The following NEXMIF variants were observed in gnomAD, a reference collection of about 807,000 sequenced individuals.
The protein encoded by NEXMIF is XLMR protein related to neurite extension.
A neutral mutation model predicts 62.1 loss-of-function variants in NEXMIF; 8 were observed. The observed-to-expected ratio is 0.13, with a 90% CI of 0.08 to 0.23. NEXMIF has a LOEUF of 0.23. Among genes scored for constraint, NEXMIF ranks in the 10% least tolerant of loss-of-function variants. The probability of loss-of-function intolerance (pLI) is 1.00; values close to 1 mark genes in which losing one functional copy is unlikely to be tolerated. For missense variants in NEXMIF, 976 were observed against 1,113.3 expected (o/e 0.88, Z 1.75); for synonymous variants, 404 against 416.6 (o/e 0.97, Z 0.37).
intron 1 of NEXMIF, among the ~76,000 whole-genome samples, chrX:74,920,207 T>C (rs1485021996): frequency 9.0e-6 from 1 of 110,848 alleles, no homozygotes; most frequent in Non-Finnish European, 1.9e-5. Context: ...CCACACTGAC[T>C]TCCACAAGGG....
chrX:74,857,070 A>C (rs763638565), intron 1 of NEXMIF, among the ~76,000 whole-genome samples: 2 of 112,107 alleles, frequency 1.8e-5, no homozygotes, highest in East Asian at 5.7e-4. Context: ...GCTCTAAGTA[A>C]ATTTGAAAGG....
In NEXMIF at chrX:74,741,726, T is replaced by C; in HGVS notation, c.2831A>G (p.Asn944Ser). The change falls in exon 3 of 4, where the codon AAT becomes AGT. Residue 944 changes from asparagine to serine, a missense_variant. Coordinates refer to ENST00000055682, the MANE Select transcript of NEXMIF (RefSeq NM_001008537.3). The stretch of plus-strand genomic sequence containing the variant: ...GGAGTCATACAGGACCTTGTTGCAA[T>C]TACTGCCACCACTATTGAGACAGAT... ...NPICLNSGGS[N>S]CNKVLYDSMQ... The C allele has an allele frequency of 8.3e-7, 1 of 1,211,286 alleles. No individual in the cohort carries two copies. Among genetic ancestry groups the C allele is most frequent in the Non-Finnish European group, 1.1e-6 (1 of 895,010 alleles).
rs181575134 is a variant in NEXMIF at position 74,788,420 on chromosome X, A to G, written c.-47-42723T>C. 3.5e-3 allele frequency among the ~76,000 whole-genome samples: 386 copies of G among 111,635 alleles called. 2 individuals carry two copies. The highest frequency in any genetic ancestry group is 0.012 in the African/African-American group (369 of 30,748). On this transcript the variant is annotated intron_variant, in intron 1 of 3. Transcript: ENST00000055682. ...TCCTTCAATATATTTCACATTATGT[A>G]TCTTAGGTTGATCTCTGACAACAGC...
rs187837598 is a variant in NEXMIF at position 74,862,817 on chromosome X, C to A, written c.-48+62066G>T. Among the ~76,000 whole-genome samples the A allele has an allele frequency of 7.9e-4, 88 of 111,115 alleles. 1 individual carries two copies. The highest frequency in any genetic ancestry group is 2.4e-3 in the African/African-American group (72 of 30,583). On this transcript the variant is annotated intron_variant, in intron 1 of 3. Transcript: ENST00000055682. ...GAACAAACAGATAACATATCAGAAT[C>A]TCTGGAACGCAGCTAAAGCAGTGTT...
chrX:74,859,696 A>C (rs1448133802), intron 1 of NEXMIF, among the ~76,000 whole-genome samples: 1 of 111,538 alleles, frequency 9.0e-6, no homozygotes, highest in Non-Finnish European at 1.9e-5. Context: ...TAACTACAAC[A>C]ACTTTTCAAG....
At chrX:74,775,323 T>C (rs2080225771) in intron 1 of NEXMIF, among the ~76,000 whole-genome samples, 2 of 111,961 alleles carry the variant, frequency 1.8e-5, no homozygotes, top group African/African-American at 3.2e-5. Flanking sequence ...ACCTATTCCA[T>C]AATATGTCCA....
chrX:74,777,537 C>G (rs920614374), intron 1 of NEXMIF, among the ~76,000 whole-genome samples: 1 of 111,519 alleles, frequency 9.0e-6, no homozygotes, highest in African/African-American at 3.3e-5. Context: ...CACATATAGG[C>G]AGTTTAAGGA....
At chrX:74,887,804 C>A (rs1327326857) in intron 1 of NEXMIF, among the ~76,000 whole-genome samples, 4 of 111,609 alleles carry the variant, frequency 3.6e-5, no homozygotes, top group Non-Finnish European at 7.5e-5. Flanking sequence ...GGGTATATAC[C>A]CAAAGGATTA....
chrX:74,850,655 C>T (rs559196959), intron 1 of NEXMIF, among the ~76,000 whole-genome samples: 4 of 111,247 alleles, frequency 3.6e-5, no homozygotes, highest in African/African-American at 1.3e-4. Flanking sequence ...CACTATTGCA[C>T]GTACCCAGAA....
At chrX:74,923,414 T>C (rs2080833438) in intron 1 of NEXMIF, among the ~76,000 whole-genome samples, 1 of 112,475 alleles carries the variant, frequency 8.9e-6, no homozygotes, top group Non-Finnish European at 1.9e-5. Context: ...TTTCAGACAC[T>C]CAGCCAGTTT....
At chrX:74,922,699 A>G (rs1047387382) in intron 1 of NEXMIF, among the ~76,000 whole-genome samples, 1 of 111,581 alleles carries the variant, frequency 9.0e-6, no homozygotes, top group Non-Finnish European at 1.9e-5. Flanking sequence ...GGCTAAAATC[A>G]CACCATAGGG....
At chrX:74,873,231 A>T (rs961882460) in intron 1 of NEXMIF, among the ~76,000 whole-genome samples, 4 of 110,634 alleles carry the variant, frequency 3.6e-5, no homozygotes, top group African/African-American at 9.9e-5. Context: ...ATGAGTGAGA[A>T]TATGCGGTGT....
chrX:74,789,652 T>G (rs1193958573), intron 1 of NEXMIF, among the ~76,000 whole-genome samples: 1 of 110,724 alleles, frequency 9.0e-6, no homozygotes, highest in East Asian at 2.9e-4. Flanking sequence ...TCCTGACTTT[T>G]TAATGATTGC....
At chrX:74,841,095 G>T (rs1044757828) in intron 1 of NEXMIF, among the ~76,000 whole-genome samples, 1 of 111,925 alleles carries the variant, frequency 8.9e-6, no homozygotes, top group Non-Finnish European at 1.9e-5. Flanking sequence ...TAATGACATT[G>T]ATTCTTCCCA....
At chrX:74,871,578 G>T (rs556803603) in intron 1 of NEXMIF, among the ~76,000 whole-genome samples, 13 of 110,905 alleles carry the variant, frequency 1.2e-4, no homozygotes, top group African/African-American at 3.6e-4. Flanking sequence ...TATCTCAACC[G>T]CATAAGACAG....
At chrX:74,843,233 T>C (rs1203380950) in intron 1 of NEXMIF, among the ~76,000 whole-genome samples, 1 of 111,868 alleles carries the variant, frequency 8.9e-6, no homozygotes, top group East Asian at 2.8e-4. Flanking sequence ...GTAATGCTCT[T>C]AGGCTTTTTT....
At chrX:74,891,884 CA>C (rs1448729041) in intron 1 of NEXMIF, among the ~76,000 whole-genome samples, 2 of 112,137 alleles carry the variant, frequency 1.8e-5, no homozygotes, top group African/African-American at 6.5e-5. Context: ...CCTTTCCCCT[CA>C]CCCTTTCACA....
At chrX:74,834,739 T>C (rs1360132597) in intron 1 of NEXMIF, among the ~76,000 whole-genome samples, 1 of 111,809 alleles carries the variant, frequency 8.9e-6, no homozygotes, top group Non-Finnish European at 1.9e-5. Flanking sequence ...CCTTTCTTTA[T>C]CCTTGACCTT....
intron 1 of NEXMIF, among the ~76,000 whole-genome samples, chrX:74,843,000 A>G (rs746980169): frequency 3.2e-4 from 36 of 111,588 alleles, no homozygotes; most frequent in Non-Finnish European, 5.8e-4. Flanking sequence ...ATTTGGTCCA[A>G]TGTTGAGTTT....
Sources: allele counts gnomAD v4.1 joint callset (sites outside exome capture counted in the v4.1 genomes callset), GRCh38; gene constraint gnomAD v4.1.1; transcripts MANE v1.5; gene names NCBI Gene and HGNC (gene_info 2026-07-23, HGNC 2026-07-21).